GUK1: variants seen among roughly 807,000 people sequenced by gnomAD.
GUK1 encodes guanylate kinase 1, also known as guanylate kinase.
GUK1 carries 18 observed loss-of-function variants against 25.2 expected under a neutral mutation model. That is an observed-to-expected ratio of 0.71 (90% confidence interval 0.49 to 1.06). The LOEUF (loss-of-function observed/expected upper bound fraction) is 1.06. GUK1 is among the 50% of genes least tolerant of loss of function. GUK1 has a pLI of 0.00. For missense variants in GUK1, 261 were observed against 276.7 expected (o/e 0.94, Z 0.40); for synonymous variants, 105 against 117.6 (o/e 0.89, Z 0.69).
chr1:228,141,916 A>C (rs1241616373), intron 2 of GUK1: 1 of 477,060 alleles, frequency 2.1e-6, no homozygotes, highest in African/African-American at 2.1e-5. Context: ...GAGAGCACAG[A>C]ATGTTTGCTG....
chr1:228,140,588 G>A (rs2033989064), intron 1 of GUK1, among the ~76,000 whole-genome samples: 1 of 152,250 alleles, frequency 6.6e-6, no homozygotes, highest in African/African-American at 2.4e-5. Context: ...CTCAGGAGCT[G>A]GGCAGGCCGG....
intron 4 of GUK1, chr1:228,146,337 A>T (rs1425863236): frequency 1.8e-6 from 1 of 544,114 alleles, no homozygotes; most frequent in Non-Finnish European, 3.3e-6. Context: ...TGCTGTCCCC[A>T]GCCCTGTCCT....
intron 2 of GUK1, chr1:228,144,756 G>A: frequency 5.1e-6 from 5 of 982,540 alleles, no homozygotes; most frequent in Non-Finnish European, 6.0e-6. Flanking sequence ...CAAACAGGTA[G>A]GCCCTGTTCT....
chr1:228,148,685 G>A lies in GUK1; in HGVS notation c.582G>A (p.Arg194=), dbSNP rs2034545137. Reference sequence around the variant, plus strand: ...GGCAGGAAATCAAGAAAGCTCAAAGGACCGGCGCCTGAGGCTTGCTGTCTG... The same window carrying A: ...GGCAGGAAATCAAGAAAGCTCAAAGAACCGGCGCCTGAGGCTTGCTGTCTG... Residue 194 remains arginine, a synonymous_variant, in exon 9 of 9, where the codon AGG becomes AGA. Transcript: ENST00000312726. 7 of 1,598,700 alleles carry A rather than the reference G, an allele frequency of 4.4e-6. No homozygotes were observed. The highest frequency in any genetic ancestry group is 5.1e-6 in the Non-Finnish European group (6 of 1,172,792).
At position 228,147,469 on chromosome 1, in the gene GUK1, G is replaced by T. The variant is rs780816618; in HGVS notation, c.315G>T (p.Gln105His). 5 of 1,613,092 alleles carry T rather than the reference G, an allele frequency of 3.1e-6. No homozygotes were observed. The highest frequency in any genetic ancestry group is 4.2e-6 in the Non-Finnish European group (5 of 1,179,836). Reference sequence around the variant, plus strand: ...TCTGTGTGCTGGACGTGGACCTGCAGGGTGTGCGGAACATCAAGGCCACCG... The same window carrying T: ...TCTGTGTGCTGGACGTGGACCTGCATGGTGTGCGGAACATCAAGGCCACCG... The change falls in exon 6 of 9, where the codon CAG becomes CAT. Residue 105 changes from glutamine to histidine, a missense_variant. Coordinates refer to ENST00000312726, the MANE Select transcript of GUK1 (RefSeq NM_000858.7).
Position 228,147,405 on chromosome 1 carries a change from G to A in GUK1, c.252-1G>A, listed in dbSNP as rs1210675031. 6.2e-7 allele frequency: 1 copy of A among 1,609,296 alleles called. No homozygotes were observed. Among genetic ancestry groups the A allele is most frequent in the Non-Finnish European group, 8.5e-7 (1 of 1,178,642 alleles). Reference sequence around the variant, plus strand: ...CCTGCTGACCTGGCACCTCTCCCCAGCAAGGTGGCGGTGCAGGCCGTGCAG... The same window carrying A: ...CCTGCTGACCTGGCACCTCTCCCCAACAAGGTGGCGGTGCAGGCCGTGCAG... On this transcript the variant is annotated splice_acceptor_variant, in intron 5 of 8. Transcript: ENST00000312726. LOFTEE classifies it high-confidence loss of function.
rs767222967 is a variant in GUK1, at chr1:228,147,539, G to T, written c.385G>T (p.Val129Leu). 18 of 1,613,174 alleles carry T rather than the reference G, an allele frequency of 1.1e-5. No individual in the cohort carries two copies. The South Asian group carries it at 1.9e-4, about 17-fold the overall frequency. Residue 129 changes from valine to leucine, a missense_variant, in exon 6 of 9, where the codon GTG (valine) becomes TTG (leucine). By Grantham distance (32) the Val-to-Leu change is conservative. Coordinates refer to ENST00000312726, the MANE Select transcript of GUK1 (RefSeq NM_000858.7). The stretch of plus-strand genomic sequence containing the variant: ...CTCTGTGCAGCCGCCTTCACTGCAC[G>T]TGCTGGTGTGTGCTGGGCAGGGTTG...
chr1:228,147,477 G>A lies in GUK1; in HGVS notation c.323G>A (p.Arg108Gln), dbSNP rs754461399. Residue 108 changes from arginine to glutamine, a missense_variant, in exon 6 of 9, where the codon CGG (arginine) becomes CAG (glutamine). By Grantham distance (43) the Arg-to-Gln change is conservative. Transcript: ENST00000312726. ...CTGGACGTGGACCTGCAGGGTGTGC[G>A]GAACATCAAGGCCACCGATCTGCGG... 9.9e-6 allele frequency: 16 copies of A among 1,613,178 alleles called. No homozygotes were observed. The highest frequency in any genetic ancestry group is 6.7e-5 in the East Asian group (3 of 44,876).
chr1:228,140,350 G>T lies in GUK1; in HGVS notation c.-181G>T. ...GGCTGGCTGCGGCCGCCCTGGGCCG[G>T]GCCCCACCGGACGGTGAGTACGACA... is the stretch of plus-strand genomic sequence containing the variant. On this transcript the variant is annotated 5_prime_UTR_variant, in exon 1 of 9. Coordinates refer to ENST00000312726, the MANE Select transcript of GUK1 (RefSeq NM_000858.7). The T allele has an allele frequency of 6.6e-7, 1 of 1,524,666 alleles. No homozygotes were observed. The highest frequency in any genetic ancestry group is 2.5e-5 in the East Asian group (1 of 39,906). The allele number at this position is 1,524,666 out of a possible 1,614,324, so 94.4% of individuals were successfully genotyped here.
upstream of GUK1, chr1:228,140,103 G>A: frequency 1.8e-6 from 1 of 553,774 alleles, no homozygotes; most frequent in South Asian, 2.2e-5. Flanking sequence ...TGTGCTGAAC[G>A]CCCCTGCGGT....
At chr1:228,145,674 G>A in intron 3 of GUK1, 50 bp downstream of exon 2, 1 of 1,590,082 alleles carries the variant, frequency 6.3e-7, no homozygotes, top group Non-Finnish European at 8.6e-7. Flanking sequence ...AGGCTGCTGA[G>A]TAGTCCTAGC....
At chr1:228,147,361 C>T (rs754820209) in intron 5 of GUK1, 45 bp from the exon 5 acceptor site, 3 of 1,583,530 alleles carry the variant, frequency 1.9e-6, no homozygotes, top group Non-Finnish European at 2.6e-6. Context: ...TCCTGTAGGC[C>T]TCAGAGAGCC....
intron 8 of GUK1, 60 bp downstream of exon 7, chr1:228,148,516 T>C (rs957140990): frequency 1.4e-6 from 2 of 1,443,024 alleles, no homozygotes; most frequent in African/African-American, 2.8e-5. Context: ...GGGCCAGGCC[T>C]TTGTTGTCCA....
chr1:228,148,617 C>T, intron 8 of GUK1, 48 bp from the exon 8 acceptor site: 1 of 1,516,278 alleles, frequency 6.6e-7, no homozygotes. Flanking sequence ...GAAGCCCAGC[C>T]CTTCCTGGAT....
chr1:228,144,801 C>T (rs190405666), intron 2 of GUK1: 24 of 834,234 alleles, frequency 2.9e-5, no homozygotes, highest in Admixed American at 2.5e-4. Context: ...GGCCAGCTCC[C>T]GGGCCCTCAC....
chr1:228,148,886 C>A lies in GUK1; in HGVS notation c.*189C>A. 1.4e-6 allele frequency: 2 copies of A among 1,434,330 alleles called. No homozygotes were observed. The highest frequency in any genetic ancestry group is 1.4e-5 in the African/African-American group (1 of 70,864). 88.9% of individuals were successfully genotyped at this position (1,434,330 alleles called of 1,614,324 possible). A position where few individuals can be genotyped will look rare whatever the true frequency, so the allele number is the denominator to read the frequency against. ...CCAGCCTCGCTGGGCTGTCCCCTGT[C>A]CCTATCTCTCACTCTGGACCCAGGG... On this transcript the variant is annotated 3_prime_UTR_variant, in exon 9 of 9. Transcript: ENST00000312726.
At chr1:228,147,565 G>A (rs2034453168) in intron 6 of GUK1, 21 bp downstream of exon 5, 1 of 1,613,044 alleles carries the variant, frequency 6.2e-7, no homozygotes, top group Admixed American at 1.7e-5. Context: ...GGCAGGGTTG[G>A]GGGCTGGGGG....
At chr1:228,146,527 C>G (rs900100463) in intron 4 of GUK1, 4 of 471,046 alleles carry the variant, frequency 8.5e-6, no homozygotes, top group African/African-American at 7.8e-5. Context: ...CTGACGGTCT[C>G]CAGTTCCCCC....
rs765046739 is a variant in GUK1 at position 228,148,778 on chromosome 1, C to G, written c.*81C>G. On this transcript the variant is annotated 3_prime_UTR_variant, in exon 9 of 9. Transcript: ENST00000312726. The stretch of plus-strand genomic sequence containing the variant: ...TGAGCCACCCCCTTGGCAGGCGATA[C>G]GGCAGCTCTGTGCCCTTGGCCAGCA... The G allele has an allele frequency of 6.2e-7, 1 of 1,607,256 alleles. No homozygotes were observed. The highest frequency in any genetic ancestry group is 8.5e-7 in the Non-Finnish European group (1 of 1,177,460).
Sources: allele counts gnomAD v4.1 joint callset (sites outside exome capture counted in the v4.1 genomes callset), GRCh38; gene constraint gnomAD v4.1.1; transcripts MANE v1.5; gene names NCBI Gene and HGNC (gene_info 2026-07-23, HGNC 2026-07-21).